P3H2: variants seen among roughly 807,000 people sequenced by gnomAD.
P3H2 encodes the protein leprecan-like 1.
P3H2 carries 80 observed loss-of-function variants against 87.0 expected under a neutral mutation model. The observed-to-expected ratio is 0.92, with a 90% CI of 0.77 to 1.11. The LOEUF is 1.11. Among genes scored for constraint, P3H2 ranks in the 50% least tolerant of loss-of-function variants. The pLI, the probability that P3H2 is intolerant of heterozygous loss-of-function variation, is 0.00. For missense variants in P3H2, 1,001 were observed against 923.9 expected, an observed-to-expected ratio of 1.08 and a Z score of -1.08; for synonymous variants, 367 against 359.3, an observed-to-expected ratio of 1.02 and a Z score of -0.24.
At position 189,957,700 on chromosome 3, in the gene P3H2, A is replaced by AAGAGACAG. The variant is rs1553869376; in HGVS notation, c.*211_*212insCTGTCTCT. On this transcript the variant is annotated 3_prime_UTR_variant, in exon 15 of 15. Transcript: ENST00000319332. ...AACATGGTTAGACCATGTCTCTAAG[A>AAGAGACAG]AGAGAGAGAGAGAGAGAGAGAGAGA... 3.7e-6 allele frequency: 2 copies of AAGAGACAG among 543,286 alleles called. No homozygotes were observed. Among genetic ancestry groups the AAGAGACAG allele is most frequent in the Non-Finnish European group, 6.5e-6 (2 of 305,704 alleles). The allele number at this position is 543,286 out of a possible 1,614,324, so 33.7% of individuals were successfully genotyped here. A position where few individuals can be genotyped will look rare whatever the true frequency, so the allele number is the denominator to read the frequency against.
At chr3:189,980,387 A>ATCTCG (rs1453774810) in intron 8 of P3H2, among the ~76,000 whole-genome samples, 5 of 151,982 alleles carry the variant, frequency 3.3e-5, no homozygotes, top group Admixed American at 6.5e-5. Flanking sequence ...ATATGGTGAA[A>ATCTCG]TCTCGTCTCT....
intron 1 of P3H2, among the ~76,000 whole-genome samples, chr3:190,110,885 T>C (rs1458423043): frequency 6.6e-6 from 1 of 152,236 alleles, no homozygotes; most frequent in East Asian, 1.9e-4. Flanking sequence ...TTTGCTTTTA[T>C]CCATTCCTTT....
intron 14 of P3H2, among the ~76,000 whole-genome samples, chr3:189,962,012 T>C (rs1163948934): frequency 6.6e-6 from 1 of 152,098 alleles, no homozygotes. Flanking sequence ...AAAAAAATGC[T>C]TTGATGGAAT....
intron 1 of P3H2, among the ~76,000 whole-genome samples, chr3:190,016,822 G>A (rs1724771068): frequency 6.6e-6 from 1 of 152,116 alleles, no homozygotes; most frequent in South Asian, 2.1e-4. Flanking sequence ...TCAGCAACAG[G>A]ACATTCACTA....
intron 1 of P3H2, among the ~76,000 whole-genome samples, chr3:190,119,311 A>T (rs576864675): frequency 6.6e-6 from 1 of 152,156 alleles, no homozygotes; most frequent in African/African-American, 2.4e-5. Context: ...CTTTTCCGGT[A>T]GCTGTAGAAG....
intron 1 of P3H2, among the ~76,000 whole-genome samples, chr3:190,119,177 GA>G (rs1170557953): frequency 6.2e-5 from 4 of 64,768 alleles, no homozygotes; most frequent in African/African-American, 1.9e-4. Context: ...GAGGGGAGAG[GA>G]GAGGAGAGGA....
At chr3:189,979,589 G>A (rs1467080040) in intron 8 of P3H2, among the ~76,000 whole-genome samples, 1 of 152,110 alleles carries the variant, frequency 6.6e-6, no homozygotes. Flanking sequence ...TAAGCCTCCT[G>A]ATTCCAAGTT....
rs77209545 is a variant in P3H2, at chr3:189,964,884, A to T, written c.1894-786T>A. ...GAAATACTGCTGGGCTCACTGAGCC[A>T]GGGTAGAAGATCAAACAAGCTGCCT... is the stretch of plus-strand genomic sequence containing the variant. On this transcript the variant is annotated intron_variant, in intron 13 of 14. Transcript: ENST00000319332. Among the ~76,000 whole-genome samples, 436 of 152,376 alleles carry T rather than the reference A, an allele frequency of 2.9e-3. 1 individual carries two copies. Among genetic ancestry groups the T allele is most frequent in the African/African-American group, 0.01 (423 of 41,594 alleles).
chr3:190,027,053 CAT>C (rs1725106064), intron 1 of P3H2, among the ~76,000 whole-genome samples: 2 of 152,182 alleles, frequency 1.3e-5, no homozygotes, highest in African/African-American at 2.4e-5. Context: ...ATTTAATACA[CAT>C]AACAATTTTA....
chr3:190,091,892 G>A (rs1232426626), intron 1 of P3H2, among the ~76,000 whole-genome samples: 5 of 152,194 alleles, frequency 3.3e-5, no homozygotes, highest in African/African-American at 4.8e-5. Context: ...CGTGGAACTA[G>A]GTTTTACTGA....
At chr3:190,120,922 C>G, upstream of P3H2, 1 of 815,146 alleles carries the variant, frequency 1.2e-6, no homozygotes, top group Non-Finnish European at 1.8e-6. Context: ...GCCAGCCGCT[C>G]TTAAAGGGAC....
At position 189,982,932 on chromosome 3, in the gene P3H2, T is replaced by C. The variant is rs1723581492; in HGVS notation, c.1324+114A>G. On this transcript the variant is annotated intron_variant, in intron 8 of 14. Transcript: ENST00000319332. ...ACTATTAGGGAGTGTAGTAGCTTAG[T>C]CTTATTCTTTATTTTCTAGAGAAAG... 8.6e-6 allele frequency: 7 copies of C among 814,208 alleles called. No individual in the cohort carries two copies. The Admixed American group carries it at 1.3e-4, about 15-fold the overall frequency. 50.4% of individuals were successfully genotyped at this position (814,208 alleles called of 1,614,324 possible). A position where few individuals can be genotyped will look rare whatever the true frequency, so the allele number is the denominator to read the frequency against.
At chr3:190,003,563 G>A (rs1427975626) in intron 1 of P3H2, among the ~76,000 whole-genome samples, 2 of 151,538 alleles carry the variant, frequency 1.3e-5, no homozygotes. Context: ...AGACAAAATC[G>A]CTCAAGTCAT....
intron 1 of P3H2, among the ~76,000 whole-genome samples, chr3:190,030,235 T>A (rs1725211205): frequency 2.0e-5 from 3 of 151,926 alleles, no homozygotes; most frequent in African/African-American, 7.3e-5. Flanking sequence ...ATGAAAAAAA[T>A]ACAAAATTTC....
At chr3:189,961,630 C>T (rs142204003) in intron 14 of P3H2, among the ~76,000 whole-genome samples, 4 of 152,220 alleles carry the variant, frequency 2.6e-5, no homozygotes, top group African/African-American at 9.6e-5. Context: ...TAGTTTGTAA[C>T]GATCAATAGA....
chr3:190,013,684 G>A (rs1182090900), intron 1 of P3H2, among the ~76,000 whole-genome samples: 1 of 152,184 alleles, frequency 6.6e-6, no homozygotes, highest in Non-Finnish European at 1.5e-5. Context: ...TTAGGGAAAT[G>A]GTGATTTTAA....
At chr3:189,976,051 A>G (rs545725161) in intron 8 of P3H2, among the ~76,000 whole-genome samples, 13 of 150,642 alleles carry the variant, frequency 8.6e-5, no homozygotes, top group African/African-American at 3.2e-4. Flanking sequence ...ATTCCAATCA[A>G]CAAATGGAAT....
chr3:189,976,971 C>A (rs577533942), intron 8 of P3H2, among the ~76,000 whole-genome samples: 1 of 152,238 alleles, frequency 6.6e-6, no homozygotes, highest in African/African-American at 2.4e-5. Context: ...GATAAGAGGA[C>A]GTCTCAGAAC....
intron 2 of P3H2, among the ~76,000 whole-genome samples, 167 bp from the exon 3 acceptor site, chr3:189,994,450 A>C (rs534398387): frequency 1.3e-5 from 2 of 152,326 alleles, no homozygotes; most frequent in East Asian, 3.9e-4. Flanking sequence ...TGGGAGATAA[A>C]GAACAACATT....
Sources: gnomAD v4.1 joint callset for allele counts (sites outside exome capture counted in the v4.1 genomes callset) on GRCh38, gnomAD v4.1.1 for gene constraint, MANE v1.5 for transcripts, NCBI Gene and HGNC (gene_info 2026-07-23, HGNC 2026-07-21) for gene names.